The following CAMK2D variants were observed in gnomAD, a reference collection of about 807,000 sequenced individuals.
CAMK2D encodes calcium/calmodulin-dependent protein kinase type II subunit delta.
A neutral mutation model predicts 84.0 loss-of-function variants in CAMK2D; 37 were observed. The ratio of observed to expected loss-of-function variants is 0.44; its 90% CI spans 0.34 to 0.58. The LOEUF (loss-of-function observed/expected upper bound fraction) is 0.58. Ranked by LOEUF, CAMK2D falls within the 20% of genes least tolerant of loss-of-function variation. The pLI, the probability that CAMK2D is intolerant of heterozygous loss-of-function variation, is 0.02. For synonymous variants in CAMK2D, 202 were observed against 212.5 expected, an observed-to-expected ratio of 0.95 and a Z score of 0.43; for missense variants, 448 against 652.5, an observed-to-expected ratio of 0.69 and a Z score of 3.41.
At chr4:113,697,670 C>T (rs2099406786) in intron 2 of CAMK2D, among the ~76,000 whole-genome samples, 1 of 151,956 alleles carries the variant, frequency 6.6e-6, no homozygotes, top group South Asian at 2.1e-4. Context: ...TATACTAAGC[C>T]AGTTCTTATG....
intron 3 of CAMK2D, among the ~76,000 whole-genome samples, chr4:113,624,005 A>T (rs1337100311): frequency 6.6e-6 from 1 of 151,998 alleles, no homozygotes; most frequent in Non-Finnish European, 1.5e-5. Flanking sequence ...GACCTCTGAG[A>T]TCCTTTCCTG....
At chr4:113,469,152 G>A (rs945857895) in intron 16 of CAMK2D, among the ~76,000 whole-genome samples, 1 of 152,166 alleles carries the variant, frequency 6.6e-6, no homozygotes, top group African/African-American at 2.4e-5. Flanking sequence ...TGATCCCAGT[G>A]TTTGAAAACA....
Position 113,661,742 on chromosome 4 carries a change from A to G in CAMK2D, c.191T>C (p.Ile64Thr). 1 of 1,502,636 alleles carries G rather than the reference A, an allele frequency of 6.7e-7. No homozygotes were observed. Among genetic ancestry groups the G allele is most frequent in the Non-Finnish European group, 9.0e-7 (1 of 1,109,386 alleles). 93.1% of individuals were successfully genotyped at this position (1,502,636 alleles called of 1,614,324 possible). ...DHQKLEREAR[I>T]CRLLKHPNIV... Reference sequence around the variant, plus strand: ...ATTAGGGTGCTTCAAAAGACGGCAGATTCTAGCTTCTCTTTCTAGTTTCTG... The same window carrying G: ...ATTAGGGTGCTTCAAAAGACGGCAGGTTCTAGCTTCTCTTTCTAGTTTCTG... The change falls in exon 3 of 21, where the codon ATC becomes ACC. Residue 64 changes from isoleucine (I) to threonine (T), a missense_variant. By Grantham distance (89) the Ile-to-Thr change is moderately conservative (BLOSUM62 -1). Coordinates refer to ENST00000511664, the MANE Select transcript of CAMK2D (RefSeq NM_001321571.2).
chr4:113,620,653 G>A (rs1041182720), intron 3 of CAMK2D, among the ~76,000 whole-genome samples: 3 of 151,622 alleles, frequency 2.0e-5, no homozygotes, highest in South Asian at 2.1e-4. Context: ...GACTACAGGC[G>A]TGCACCTACA....
chr4:113,565,930 T>G (rs1475334551), intron 4 of CAMK2D, among the ~76,000 whole-genome samples: 3 of 152,240 alleles, frequency 2.0e-5, no homozygotes, highest in Non-Finnish European at 4.4e-5. Flanking sequence ...GATGCACTTT[T>G]GGAAGATTTT....
chr4:113,693,296 C>T (rs1289815028), intron 2 of CAMK2D, among the ~76,000 whole-genome samples: 1 of 152,174 alleles, frequency 6.6e-6, no homozygotes, highest in Admixed American at 6.5e-5. Context: ...GGAGACCAGC[C>T]TGGAAGTCAA....
At chr4:113,549,094 T>C (rs1016724666) in intron 5 of CAMK2D, among the ~76,000 whole-genome samples, 1 of 152,196 alleles carries the variant, frequency 6.6e-6, no homozygotes, top group Non-Finnish European at 1.5e-5. Context: ...AGATATAAAA[T>C]TTCCAGGTAT....
intron 4 of CAMK2D, among the ~76,000 whole-genome samples, chr4:113,600,990 C>G (rs557367314): frequency 5.3e-5 from 8 of 152,228 alleles, no homozygotes; most frequent in South Asian, 4.1e-4. Flanking sequence ...ATAAAAATTA[C>G]TAAAGCAAAG....
At chr4:113,591,697 AC>A (rs2098886273) in intron 4 of CAMK2D, among the ~76,000 whole-genome samples, 1 of 152,004 alleles carries the variant, frequency 6.6e-6, no homozygotes, top group South Asian at 2.1e-4. Context: ...CTCTCCTTTC[AC>A]CCTTAAATGT....
At chr4:113,622,173 CA>C in intron 3 of CAMK2D, among the ~76,000 whole-genome samples, 1 of 152,284 alleles carries the variant, frequency 6.6e-6, no homozygotes, top group East Asian at 1.9e-4. Context: ...GTCATCCTTT[CA>C]AAATGCAAAT....
intron 16 of CAMK2D, among the ~76,000 whole-genome samples, chr4:113,493,881 A>G (rs902811590): frequency 6.6e-6 from 1 of 151,836 alleles, no homozygotes; most frequent in Non-Finnish European, 1.5e-5. Flanking sequence ...TTCTTGCTTC[A>G]TTTCATTCAT....
chr4:113,454,276 C>T lies in CAMK2D; in HGVS notation c.*269G>A. 2.9e-6 allele frequency: 1 copy of T among 349,522 alleles called. No individual in the cohort carries two copies. Among genetic ancestry groups the T allele is most frequent in the East Asian group, 4.2e-5 (1 of 23,756 alleles). The allele number at this position is 349,522 out of a possible 1,614,324, so 21.7% of individuals were successfully genotyped here. A position where few individuals can be genotyped will look rare whatever the true frequency, so the allele number is the denominator to read the frequency against. On this transcript the variant is annotated 3_prime_UTR_variant, in exon 21 of 21. Coordinates refer to ENST00000511664, the MANE Select transcript of CAMK2D (RefSeq NM_001321571.2). The stretch of plus-strand genomic sequence containing the variant: ...GTGGATTTTTTTTTTTGTCTAATCT[C>T]CCCCTATTGTTTTGCCAACAGTAAT...
chr4:113,753,024 T>C (rs1047379842), intron 2 of CAMK2D, among the ~76,000 whole-genome samples: 3 of 152,064 alleles, frequency 2.0e-5, no homozygotes, highest in Non-Finnish European at 4.4e-5. Flanking sequence ...ATAAGTCCTC[T>C]CTAATAGCAA....
In CAMK2D at chr4:113,452,133, T is replaced by TAAAAAAA. The variant is rs10553216; in HGVS notation, c.*2405_*2411dup. 1 of 138,802 alleles carries TAAAAAAA rather than the reference T, an allele frequency of 7.2e-6. No individual in the cohort carries two copies. The allele number at this position is 138,802 out of a possible 1,614,324, so 8.6% of individuals were successfully genotyped here. ...AAGTGTTACAAGGACAGGTTCGTAT[T>TAAAAAAA]AAAAAAAAAAAAAAAAAGCAGCCAT... is the stretch of plus-strand genomic sequence containing the variant. On this transcript the variant is annotated 3_prime_UTR_variant, in exon 21 of 21. Coordinates refer to ENST00000511664, the MANE Select transcript of CAMK2D (RefSeq NM_001321571.2).
chr4:113,524,270 C>T (rs965106798), intron 8 of CAMK2D, among the ~76,000 whole-genome samples: 4 of 152,172 alleles, frequency 2.6e-5, no homozygotes, highest in African/African-American at 9.7e-5. Context: ...AACACTGAAA[C>T]TCTATATACA....
intron 3 of CAMK2D, among the ~76,000 whole-genome samples, chr4:113,649,133 C>A (rs1206655160): frequency 6.6e-6 from 1 of 152,122 alleles, no homozygotes; most frequent in Non-Finnish European, 1.5e-5. Flanking sequence ...CCCTCCTTGC[C>A]ATCCCTGATC....
At chr4:113,724,960 A>G (rs1186514106) in intron 2 of CAMK2D, among the ~76,000 whole-genome samples, 1 of 152,060 alleles carries the variant, frequency 6.6e-6, no homozygotes, top group Non-Finnish European at 1.5e-5. Context: ...TTGACATACT[A>G]AATCTGTTTT....
chr4:113,637,579 T>C (rs2099114852), intron 3 of CAMK2D, among the ~76,000 whole-genome samples: 1 of 152,186 alleles, frequency 6.6e-6, no homozygotes, highest in African/African-American at 2.4e-5. Flanking sequence ...TGCAATCTTT[T>C]GTTTTGGTTT....
At chr4:113,606,298 G>A (rs1008319774) in intron 4 of CAMK2D, among the ~76,000 whole-genome samples, 2 of 151,830 alleles carry the variant, frequency 1.3e-5, no homozygotes, top group Non-Finnish European at 2.9e-5. Flanking sequence ...GTGAAACCCC[G>A]TCTCTACTAA....
Sources: gnomAD v4.1 joint callset for allele counts (sites outside exome capture counted in the v4.1 genomes callset) on GRCh38, gnomAD v4.1.1 for gene constraint, MANE v1.5 for transcripts, NCBI Gene and HGNC (gene_info 2026-07-23, HGNC 2026-07-21) for gene names.